The following PPP2R5B variants were observed in gnomAD, a reference collection of about 807,000 sequenced individuals.
PPP2R5B encodes protein phosphatase 2 regulatory subunit B'beta.
Under a neutral mutation model 59.9 loss-of-function variants are expected in PPP2R5B, and 19 were observed. The ratio of observed to expected loss-of-function variants is 0.32; its 90% confidence interval spans 0.22 to 0.47. The LOEUF (loss-of-function observed/expected upper bound fraction) is 0.47. Among genes scored for constraint, PPP2R5B ranks in the 20% least tolerant of loss-of-function variants. PPP2R5B has a pLI of 1.00. For missense variants in PPP2R5B, 441 were observed against 640.2 expected, an observed-to-expected ratio of 0.69 and a Z score of 3.36; for synonymous variants, 286 against 260.5, an observed-to-expected ratio of 1.10 and a Z score of -0.94.
intron 6 of PPP2R5B, 38 bp downstream of exon 6, chr11:64,928,463 G>C: frequency 6.2e-7 from 1 of 1,613,478 alleles, no homozygotes; most frequent in Non-Finnish European, 8.5e-7. Flanking sequence ...GACCTGGGGA[G>C]GGTGAGAGGG....
Position 64,925,992 on chromosome 11 carries a change from G to A in PPP2R5B, c.199+59G>A. On this transcript the variant is annotated intron_variant, in intron 2 of 13. Transcript: ENST00000164133. The surrounding 1 kb of genome is among the most constrained non-coding windows in gnomAD (Gnocchi z 4.6). ...CCCCCGAGGGGACCAGCAGGGCCATGGGGAGGGGTGGGAGGCAGCGGGCAG... is the reference window on the plus strand; with the variant it reads ...CCCCCGAGGGGACCAGCAGGGCCATAGGGAGGGGTGGGAGGCAGCGGGCAG... The A allele has an allele frequency of 1.3e-6, 2 of 1,526,482 alleles. No individual in the cohort carries two copies. The highest frequency in any genetic ancestry group is 4.6e-5 in the East Asian group (2 of 43,312). 94.6% of individuals were successfully genotyped at this position (1,526,482 alleles called of 1,614,324 possible). A position where few individuals can be genotyped will look rare whatever the true frequency, so the allele number is the denominator to read the frequency against.
Position 64,925,009 on chromosome 11 carries a change from G to C in PPP2R5B, c.-284G>C, listed in dbSNP as rs538937658. The stretch of plus-strand genomic sequence containing the variant: ...GGGCAGCCCCCGGGGGTTGGCGACC[G>C]AAGTCTAGGTTTTCGAGAAGTGAGT... On this transcript the variant is annotated 5_prime_UTR_variant, in exon 1 of 14. Transcript: ENST00000164133. The surrounding 1 kb of genome is among the most constrained non-coding windows in gnomAD (Gnocchi z 4.6). 1 of 152,306 alleles carries C rather than the reference G, an allele frequency of 6.6e-6. No homozygotes were observed. The highest frequency in any genetic ancestry group is 6.5e-5 in the Admixed American group (1 of 15,292). The allele number at this position is 152,306 out of a possible 1,614,324, so 9.4% of individuals were successfully genotyped here.
intron 6 of PPP2R5B, among the ~76,000 whole-genome samples, chr11:64,928,856 AGTCCG>A (rs1945198981): frequency 6.6e-6 from 1 of 152,152 alleles, no homozygotes; most frequent in African/African-American, 2.4e-5. Flanking sequence ...TGCAGTCCGC[AGTCCG>A]GCCTGGGCGA....
chr11:64,930,171 G>A (rs1453010340), intron 6 of PPP2R5B, 151 bp from the exon 7 acceptor site: 10 of 837,894 alleles, frequency 1.2e-5, no homozygotes, highest in Non-Finnish European at 1.9e-5. Flanking sequence ...AATGGGGCCT[G>A]GTTTGGGATG....
At chr11:64,933,553 G>A in intron 13 of PPP2R5B, 144 bp from the exon 14 acceptor site, 2 of 1,080,534 alleles carry the variant, frequency 1.9e-6, no homozygotes, top group Non-Finnish European at 2.6e-6. Flanking sequence ...TCCCTCAGTA[G>A]AGGGTTTTTA....
In PPP2R5B at chr11:64,928,356, A is replaced by C; in HGVS notation, c.653A>C (p.His218Pro). Residue 218 changes from histidine to proline, a missense_variant, in exon 6 of 14, where the codon CAC becomes CCC. Coordinates refer to ENST00000164133, the MANE Select transcript of PPP2R5B (RefSeq NM_006244.4). Reference sequence around the variant, plus strand: ...CGTGAGTACCTCAAGACCATCCTGCACCGGGTCTATGGCAAGTTCCTGGGT... The same window carrying C: ...CGTGAGTACCTCAAGACCATCCTGCCCCGGGTCTATGGCAAGTTCCTGGGT... ...REREYLKTIL[H>P]RVYGKFLGLR... 6.2e-7 allele frequency: 1 copy of C among 1,614,206 alleles called. No individual in the cohort carries two copies. The highest frequency in any genetic ancestry group is 8.5e-7 in the Non-Finnish European group (1 of 1,180,038).
rs1205841503 is a variant in PPP2R5B at position 64,928,095 on chromosome 11, G to T, written c.528G>T (p.Leu176Phe). 4 of 1,614,182 alleles carry T rather than the reference G, an allele frequency of 2.5e-6. No homozygotes were observed. The highest frequency in any genetic ancestry group is 3.4e-6 in the Non-Finnish European group (4 of 1,180,042). ...TATATGAGTTTTTCCTGCGTTTCTT[G>T]GAGAGCCCAGACTTCCAGCCCTCCG... ...QLVYEFFLRFLESPDFQPSVA... is the reference protein window; with the variant it reads ...QLVYEFFLRFFESPDFQPSVA... The change falls in exon 5 of 14, where the codon TTG becomes TTT. Residue 176 changes from leucine (L) to phenylalanine (F), a missense_variant. By Grantham distance (22) the Leu-to-Phe change is conservative (BLOSUM62 0). Coordinates refer to ENST00000164133, the MANE Select transcript of PPP2R5B (RefSeq NM_006244.4).
chr11:64,930,202 C>T, intron 6 of PPP2R5B, 120 bp from the exon 7 acceptor site: 2 of 1,131,582 alleles, frequency 1.8e-6, no homozygotes, highest in Non-Finnish European at 2.7e-6. Context: ...AGCGCAGCCT[C>T]TGGGTTGGGG....
rs150933072 is a variant in PPP2R5B at position 64,928,088 on chromosome 11, G to A, written c.521G>A (p.Arg174His). 3.2e-5 allele frequency: 51 copies of A among 1,614,044 alleles called. No individual in the cohort carries two copies. Among genetic ancestry groups the A allele is most frequent in the Non-Finnish European group, 3.8e-5 (45 of 1,180,044 alleles). Reference sequence around the variant, plus strand: ...CAGCTGGTATATGAGTTTTTCCTGCGTTTCTTGGAGAGCCCAGACTTCCAG... The same window carrying A: ...CAGCTGGTATATGAGTTTTTCCTGCATTTCTTGGAGAGCCCAGACTTCCAG... ...HLQLVYEFFL[R>H]FLESPDFQPS... is the part of the protein sequence containing the mutation. The change falls in exon 5 of 14, where the codon CGT (arginine) becomes CAT (histidine). Residue 174 changes from arginine to histidine, a missense_variant. Arg to His is a conservative substitution (Grantham distance 29). Around this residue, in one of 3 missense-constraint regions of PPP2R5B, gnomAD observed 268 missense variants for 488.1 expected, o/e 0.55. Coordinates refer to ENST00000164133, the MANE Select transcript of PPP2R5B (RefSeq NM_006244.4).
At position 64,933,069 on chromosome 11, in the gene PPP2R5B, T is replaced by A; in HGVS notation, c.1245-76T>A. 3 of 1,499,788 alleles carry A rather than the reference T, an allele frequency of 2.0e-6. No individual in the cohort carries two copies. In the South Asian group the frequency reaches 3.4e-5, roughly 17 times the overall value. The allele number at this position is 1,499,788 out of a possible 1,614,324, so 92.9% of individuals were successfully genotyped here. A position where few individuals can be genotyped will look rare whatever the true frequency, so the allele number is the denominator to read the frequency against. ...GCTTGTGTTCAGGTGGAATGCTGTA[T>A]GTGAAGGGCAGGGAAAGGGAGAGGT... is the stretch of plus-strand genomic sequence containing the variant. On this transcript the variant is annotated intron_variant, in intron 12 of 13. Transcript: ENST00000164133.
chr11:64,929,124 T>C (rs1191103522), intron 6 of PPP2R5B, among the ~76,000 whole-genome samples: 3 of 152,342 alleles, frequency 2.0e-5, no homozygotes, highest in South Asian at 2.1e-4. Flanking sequence ...AATGGGTATT[T>C]ATTTCCATTT....
At position 64,924,884 on chromosome 11, in the gene PPP2R5B, C is replaced by CG. The variant is rs952158402; in HGVS notation, c.-409_-408insG. 8 of 152,404 alleles carry CG rather than the reference C, an allele frequency of 5.2e-5. No individual in the cohort carries two copies. The highest frequency in any genetic ancestry group is 1.9e-4 in the African/African-American group (8 of 41,456). 9.4% of individuals were successfully genotyped at this position (152,404 alleles called of 1,614,324 possible). A position where few individuals can be genotyped will look rare whatever the true frequency, so the allele number is the denominator to read the frequency against. ...GTTGGGGGCATGCTCTAGCCGCCCC[C>CG]CCGGAGCCCGGGAGAGAACCCAGGA... On this transcript the variant is annotated 5_prime_UTR_variant, in exon 1 of 14. Transcript: ENST00000164133.
At chr11:64,930,864 G>A (rs113974765) in intron 8 of PPP2R5B, among the ~76,000 whole-genome samples, 1 of 152,026 alleles carries the variant, frequency 6.6e-6, no homozygotes, top group African/African-American at 2.4e-5. Context: ...TCTATTATGG[G>A]AGATTTTGAT....
intron 8 of PPP2R5B, among the ~76,000 whole-genome samples, chr11:64,930,963 T>C (rs1945222043): frequency 6.6e-6 from 1 of 152,168 alleles, no homozygotes; most frequent in Admixed American, 6.5e-5. Flanking sequence ...AGCCTCTACC[T>C]GCTGGGCTCA....
At position 64,931,916 on chromosome 11, in the gene PPP2R5B, G is replaced by T; in HGVS notation, c.1116+48G>T. The T allele has an allele frequency of 6.3e-7, 1 of 1,594,684 alleles. No homozygotes were observed. Among genetic ancestry groups the T allele is most frequent in the Non-Finnish European group, 8.5e-7 (1 of 1,170,658 alleles). ...ATGGGAGCAGGGCTGGCCTGGAAAG[G>T]TTGGGTAGCTGACCTAATAAAGCTC... On this transcript the variant is annotated intron_variant, in intron 11 of 13. Coordinates refer to ENST00000164133, the MANE Select transcript of PPP2R5B (RefSeq NM_006244.4). This position sits in a 1 kb window ranked among gnomAD's most constrained non-coding sequence, Gnocchi z 5.0.
In PPP2R5B at chr11:64,925,594, G is replaced by C. The variant is rs1319639490; in HGVS notation, c.-141G>C. On this transcript the variant is annotated 5_prime_UTR_variant, in exon 2 of 14. Transcript: ENST00000164133. This position sits in a 1 kb window ranked among gnomAD's most constrained non-coding sequence, Gnocchi z 4.6. Reference sequence around the variant, plus strand: ...GGCAGTTGCAGGAGGCCCTGGGGGGGGGCCCAGGACTGTGGTTGTGCCCCC... The same window carrying C: ...GGCAGTTGCAGGAGGCCCTGGGGGGCGGCCCAGGACTGTGGTTGTGCCCCC... 8.8e-6 allele frequency: 5 copies of C among 570,176 alleles called. No homozygotes were observed. The Admixed American group carries it at 1.6e-4, about 18-fold the overall frequency. The allele number at this position is 570,176 out of a possible 1,614,324, so 35.3% of individuals were successfully genotyped here.
upstream of PPP2R5B, among the ~76,000 whole-genome samples, chr11:64,921,943 G>A (rs1168036595): frequency 6.6e-6 from 1 of 152,112 alleles, no homozygotes; most frequent in African/African-American, 2.4e-5. Flanking sequence ...AGCCACACAT[G>A]GTGGCTCACA....
Position 64,931,510 on chromosome 11 carries a change from A to G in PPP2R5B, c.945+21A>G, listed in dbSNP as rs763252644. The G allele has an allele frequency of 6.2e-7, 1 of 1,614,094 alleles. No individual in the cohort carries two copies. Among genetic ancestry groups the G allele is most frequent in the Non-Finnish European group, 8.5e-7 (1 of 1,179,978 alleles). ...AGCACGTGAGTACCTCTGGGGGCTA[A>G]GGCAGCCTCTCACCTCTGCAGGCGT... On this transcript the variant is annotated intron_variant, in intron 9 of 13. Coordinates refer to ENST00000164133, the MANE Select transcript of PPP2R5B (RefSeq NM_006244.4). The surrounding 1 kb of genome is among the most constrained non-coding windows in gnomAD (Gnocchi z 5.0).
Position 64,925,210 on chromosome 11 carries a change from A to G in PPP2R5B, c.-265+182A>G, listed in dbSNP as rs866154695. On this transcript the variant is annotated intron_variant, in intron 1 of 13. Coordinates refer to ENST00000164133, the MANE Select transcript of PPP2R5B (RefSeq NM_006244.4). The surrounding 1 kb of genome is among the most constrained non-coding windows in gnomAD (Gnocchi z 4.6). Reference sequence around the variant, plus strand: ...CATTCTGAAAGGGGCAGGGATGACGATCGGGGCTCCATTCTGAGTCGGGGC... The same window carrying G: ...CATTCTGAAAGGGGCAGGGATGACGGTCGGGGCTCCATTCTGAGTCGGGGC... Among the ~76,000 whole-genome samples the G allele has an allele frequency of 1.3e-5, 2 of 152,002 alleles. No homozygotes were observed. The highest frequency in any genetic ancestry group is 4.8e-5 in the African/African-American group (2 of 41,364).
Sources: allele counts gnomAD v4.1 joint callset (sites outside exome capture counted in the v4.1 genomes callset), GRCh38; gene constraint gnomAD v4.1.1; regional missense constraint gnomAD v4.1.1; non-coding constraint Gnocchi (gnomAD v3.1); transcripts MANE v1.5; gene names NCBI Gene and HGNC (gene_info 2026-07-23, HGNC 2026-07-21).